The following EP400 variants were observed in gnomAD, a reference collection of about 807,000 sequenced individuals.
EP400 encodes E1A-binding protein p400.
A neutral mutation model predicts 354.1 loss-of-function variants in EP400; 105 were observed. The observed-to-expected ratio is 0.30, with a 90% CI of 0.25 to 0.35. EP400 has a LOEUF of 0.35. Among genes scored for constraint, EP400 ranks in the 10% least tolerant of loss-of-function variants. The probability of loss-of-function intolerance (pLI) is 1.00; values close to 1 mark genes in which losing one functional copy is unlikely to be tolerated. For missense variants in EP400, 3,280 were observed against 4,121.0 expected, an observed-to-expected ratio of 0.80 and a Z score of 5.59; for synonymous variants, 1,646 against 1,716.9, an observed-to-expected ratio of 0.96 and a Z score of 1.02.
Position 131,990,070 on chromosome 12 carries a change from G to A in EP400, c.2516G>A (p.Arg839Gln), listed in dbSNP as rs77464971. The change falls in exon 8 of 53, where the codon CGG (arginine) becomes CAG (glutamine). Residue 839 changes from arginine (R) to glutamine (Q), a missense_variant. Physicochemically the swap from Arg to Gln is conservative, Grantham distance 43. Coordinates refer to ENST00000389561, the MANE Select transcript of EP400 (RefSeq NM_015409.5). This position sits in a 1 kb window ranked among gnomAD's most constrained non-coding sequence, Gnocchi z 4.2. ...RLRRIAASTA[R>Q]EIECFWSNIE... ...AGGCGGATAGCCGCCTCCACGGCCC[G>A]GGAGATAGAGTGCTTTTGGTCGAAT... 12 of 1,611,180 alleles carry A rather than the reference G, an allele frequency of 7.4e-6. No homozygotes were observed. Among genetic ancestry groups the A allele is most frequent in the African/African-American group, 1.3e-5 (1 of 74,770 alleles).
In EP400 at chr12:132,017,557, G is replaced by A. The variant is rs1335900750; in HGVS notation, c.3946G>A (p.Gly1316Arg). The A allele has an allele frequency of 6.2e-7, 1 of 1,613,914 alleles. No individual in the cohort carries two copies. The highest frequency in any genetic ancestry group is 1.3e-5 in the African/African-American group (1 of 74,906). Residue 1316 changes from glycine (G) to arginine (R), a missense_variant, in exon 20 of 53, where the codon GGG (glycine) becomes AGG (arginine). Physicochemically the swap from Gly to Arg is moderately radical, Grantham distance 125. Coordinates refer to ENST00000389561, the MANE Select transcript of EP400 (RefSeq NM_015409.5). This position sits in a 1 kb window ranked among gnomAD's most constrained non-coding sequence, Gnocchi z 5.0. Reference protein sequence around the residue: ...QPGTQEALKSGHFVNVLSILV... With the variant: ...QPGTQEALKSRHFVNVLSILV... ...CAGCACTCAGGAGGCCTTGAAGAGC[G>A]GGCACTTTGTCAACGTCCTGAGCAT...
At chr12:132,044,982 T>C (rs184469233) in intron 37 of EP400, 29 bp downstream of exon 37, 82 of 1,611,246 alleles carry the variant, frequency 5.1e-5, no homozygotes, top group Non-Finnish European at 2.4e-5. Flanking sequence ...TCACATGACC[T>C]GGGGGGGCCC....
intron 19 of EP400, among the ~76,000 whole-genome samples, chr12:132,015,990 A>AC (rs1220339253): frequency 1.3e-5 from 2 of 151,012 alleles, no homozygotes; most frequent in Non-Finnish European, 3.0e-5. Flanking sequence ...ACCTGCCCAG[A>AC]CCCCCCTGTG....
intron 39 of EP400, among the ~76,000 whole-genome samples, chr12:132,046,767 G>T (rs1423711732): frequency 6.6e-6 from 1 of 152,116 alleles, no homozygotes; most frequent in Non-Finnish European, 1.5e-5. Context: ...TGCCTTTCTC[G>T]CCTCAGGACA....
At chr12:131,952,208 C>T (rs1891528755) in intron 1 of EP400, among the ~76,000 whole-genome samples, 1 of 140,590 alleles carries the variant, frequency 7.1e-6, no homozygotes, top group Non-Finnish European at 1.5e-5. Flanking sequence ...GAGGCTGAGG[C>T]AGGAGAATGG....
intron 50 of EP400, 44 bp from the exon 51 acceptor site, chr12:132,069,451 C>T (rs373450979): frequency 7.5e-6 from 12 of 1,597,732 alleles, no homozygotes; most frequent in African/African-American, 6.7e-5. Context: ...GAGTCTTGAG[C>T]GCGGCATGGT....
At chr12:132,064,034 G>A (rs564245436) in intron 47 of EP400, among the ~76,000 whole-genome samples, 15 of 21,156 alleles carry the variant, frequency 7.1e-4, no homozygotes, top group South Asian at 1.5e-3. Context: ...ACCCCCCCCC[G>A]GCCCACAGCC....
intron 22 of EP400, among the ~76,000 whole-genome samples, chr12:132,020,856 C>T (rs765176299): frequency 6.6e-6 from 1 of 152,176 alleles, no homozygotes; most frequent in African/African-American, 2.4e-5. Context: ...AAATGTACCG[C>T]GTAGCGTACT....
At chr12:131,981,208 C>T (rs1257519841) in intron 3 of EP400, among the ~76,000 whole-genome samples, 1 of 152,222 alleles carries the variant, frequency 6.6e-6, no homozygotes, top group Non-Finnish European at 1.5e-5. Flanking sequence ...CCTGTGCTTT[C>T]TGAGTGCTAA....
At position 132,017,592 on chromosome 12, in the gene EP400, G is replaced by A; in HGVS notation, c.3981G>A (p.Arg1327=). The change falls in exon 20 of 53, where the codon CGG becomes CGA. Residue 1327 remains arginine, a synonymous_variant. Coordinates refer to ENST00000389561, the MANE Select transcript of EP400 (RefSeq NM_015409.5). This position sits in a 1 kb window ranked among gnomAD's most constrained non-coding sequence, Gnocchi z 5.0. ...TCAACGTCCTGAGCATCCTTGTGCGGCTGCAGCGCATCTGCAACCACCCTG... is the reference window on the plus strand; with the variant it reads ...TCAACGTCCTGAGCATCCTTGTGCGACTGCAGCGCATCTGCAACCACCCTG... ...HFVNVLSILV[R]LQRICNHPGL... 1.2e-6 allele frequency: 2 copies of A among 1,613,876 alleles called. No individual in the cohort carries two copies. The highest frequency in any genetic ancestry group is 1.3e-5 in the African/African-American group (1 of 75,022).
intron 29 of EP400, 36 bp from the exon 30 acceptor site, chr12:132,031,917 C>T (rs1388929247): frequency 5.1e-6 from 8 of 1,558,584 alleles, no homozygotes; most frequent in Non-Finnish European, 7.0e-6. Flanking sequence ...CAACATTTTC[C>T]AAGAATACTA....
At chr12:132,020,861 C>A (rs7299397) in intron 22 of EP400, among the ~76,000 whole-genome samples, 47,728 of 152,174 alleles carry the variant, frequency 0.31, 13,564 homozygotes, top group African/African-American at 0.76. Flanking sequence ...TACCGCGTAG[C>A]GTACTGTAGC....
chr12:131,954,782 AT>A (rs1480375517), intron 1 of EP400, among the ~76,000 whole-genome samples: 1 of 150,228 alleles, frequency 6.7e-6, no homozygotes, highest in African/African-American at 2.4e-5. Context: ...AGTCCCAGCT[AT>A]TTGGGAGGCT....
Position 132,052,516 on chromosome 12 carries a change from G to T in EP400, c.7395-630G>T, listed in dbSNP as rs1414973795. On this transcript the variant is annotated intron_variant, in intron 41 of 52. Coordinates refer to ENST00000389561, the MANE Select transcript of EP400 (RefSeq NM_015409.5). This position sits in a 1 kb window ranked among gnomAD's most constrained non-coding sequence, Gnocchi z 4.4. ...TCAGAGCGCACTGTTGAGAATTGCA[G>T]CCCCGCCCTGCTGTTTTCCTCCATA... 2.0e-5 allele frequency among the ~76,000 whole-genome samples: 3 copies of T among 152,222 alleles called. No individual in the cohort carries two copies. Among genetic ancestry groups the T allele is most frequent in the Non-Finnish European group, 2.9e-5 (2 of 68,038 alleles).
intron 1 of EP400, among the ~76,000 whole-genome samples, chr12:131,960,010 T>C (rs1189309519): frequency 6.6e-6 from 1 of 152,192 alleles, no homozygotes; most frequent in Non-Finnish European, 1.5e-5. Context: ...GGTATTTGCT[T>C]CTGGCGAGGT....
chr12:132,023,497 T>A (rs1296922425), intron 23 of EP400, among the ~76,000 whole-genome samples: 1 of 151,996 alleles, frequency 6.6e-6, no homozygotes, highest in Non-Finnish European at 1.5e-5. Context: ...AAGTAAAATG[T>A]TCCTTAATAG....
At chr12:132,011,685 T>C (rs779395941) in intron 16 of EP400, 51 bp downstream of exon 16, 28 of 1,554,294 alleles carry the variant, frequency 1.8e-5, no homozygotes, top group Admixed American at 4.3e-5. Context: ...CCATGTTAAT[T>C]TTTATAAAAG....
Position 132,069,489 on chromosome 12 carries a change from C to T in EP400, c.8875-6C>T. On this transcript the variant is annotated splice_region_variant and splice_polypyrimidine_tract_variant and intron_variant, in intron 50 of 52. Coordinates refer to ENST00000389561, the MANE Select transcript of EP400 (RefSeq NM_015409.5). Reference sequence around the variant, plus strand: ...CTGCGGCCCTAATTTCGCAGTCTCTCCCCAGATCACCGCACAGCAGATCAC... The same window carrying T: ...CTGCGGCCCTAATTTCGCAGTCTCTTCCCAGATCACCGCACAGCAGATCAC... The T allele has an allele frequency of 6.2e-7, 1 of 1,613,890 alleles. No homozygotes were observed. The highest frequency in any genetic ancestry group is 1.1e-5 in the South Asian group (1 of 91,062).
intron 4 of EP400, 107 bp from the exon 5 acceptor site, chr12:131,981,986 T>C: frequency 7.2e-7 from 1 of 1,384,484 alleles, no homozygotes; most frequent in Non-Finnish European, 9.7e-7. Flanking sequence ...GTGAGTGTGG[T>C]GGGTCTTGGA....
Sources: allele counts gnomAD v4.1 joint callset (sites outside exome capture counted in the v4.1 genomes callset), GRCh38; gene constraint gnomAD v4.1.1; non-coding constraint Gnocchi (gnomAD v3.1); transcripts MANE v1.5; gene names NCBI Gene and HGNC (gene_info 2026-07-23, HGNC 2026-07-21).